UBE3C: variants seen among roughly 807,000 people sequenced by gnomAD.
The protein encoded by UBE3C is ubiquitin-protein ligase E3C.
In UBE3C, 42 loss-of-function variants were observed where a neutral mutation model predicts 129.4. The ratio of observed to expected loss-of-function variants is 0.32; its 90% CI spans 0.25 to 0.42. The LOEUF (loss-of-function observed/expected upper bound fraction) is 0.42, where lower values mean the gene tolerates loss of function less well. UBE3C is among the 10% of genes least tolerant of loss of function. UBE3C has a pLI of 1.00. For missense variants in UBE3C, 1,049 were observed against 1,319.1 expected (o/e 0.80, Z 3.17); for synonymous variants, 510 against 492.4 (o/e 1.04, Z -0.47).
intron 1 of UBE3C, among the ~76,000 whole-genome samples, chr7:157,151,611 TATCTATTA>T (rs1025482763): frequency 2.0e-5 from 3 of 152,214 alleles, no homozygotes; most frequent in Non-Finnish European, 4.4e-5. Flanking sequence ...CCGGAAATAC[TATCTATTA>T]AGCCGTTTAA....
chr7:157,237,838 G>A (rs1021874477), intron 18 of UBE3C, among the ~76,000 whole-genome samples: 16 of 151,924 alleles, frequency 1.1e-4, no homozygotes, highest in African/African-American at 3.6e-4. Context: ...TTAAGCCCAG[G>A]AGTTCAAGAC....
rs1316517943 is a variant in UBE3C, at chr7:157,182,309, T to C, written c.972T>C (p.Thr324=). Residue 324 remains threonine (T), a synonymous_variant, in exon 8 of 23, where the codon ACT becomes ACC. Coordinates refer to ENST00000348165, the MANE Select transcript of UBE3C (RefSeq NM_014671.3). ...CCTGGCTTTTCTATTTCGTTTTAAC[T>C]GTTGGCGAAAATTATTTGGGTATGA... ...GAPWLFYFVL[T]VGENYLGALS... 1 of 1,613,400 alleles carries C rather than the reference T, an allele frequency of 6.2e-7. No individual in the cohort carries two copies. Among genetic ancestry groups the C allele is most frequent in the East Asian group, 2.2e-5 (1 of 44,888 alleles).
At chr7:157,223,151 G>A (rs2116618166) in intron 15 of UBE3C, 103 bp from the exon 16 acceptor site, 2 of 1,204,904 alleles carry the variant, frequency 1.7e-6, no homozygotes, top group Middle Eastern at 1.9e-4. Context: ...TTAGATAAAT[G>A]AGTTAATCAG....
Position 157,149,368 on chromosome 7 carries a change from G to T in UBE3C, c.66+10030G>T, listed in dbSNP as rs1447055004. ...ACTATGCCTGGCCAGGAATTCAACCGATTTTTAAAAATAGAAACCAAGCGG... is the reference window on the plus strand; with the variant it reads ...ACTATGCCTGGCCAGGAATTCAACCTATTTTTAAAAATAGAAACCAAGCGG... On this transcript the variant is annotated intron_variant, in intron 1 of 22. Coordinates refer to ENST00000348165, the MANE Select transcript of UBE3C (RefSeq NM_014671.3). 2.0e-5 allele frequency among the ~76,000 whole-genome samples: 3 copies of T among 151,988 alleles called. No homozygotes were observed. In the East Asian group the frequency reaches 5.8e-4, roughly 29 times the overall value.
intron 10 of UBE3C, chr7:157,198,324 G>T: frequency 8.7e-6 from 7 of 808,136 alleles, no homozygotes; most frequent in Non-Finnish European, 1.6e-5. Flanking sequence ...GAAGATTTGC[G>T]CTTCACTTCA....
chr7:157,192,449 G>A, intron 10 of UBE3C: 1 of 743,182 alleles, frequency 1.3e-6, no homozygotes, highest in South Asian at 1.4e-5. Context: ...AAATGTAAAG[G>A]CCAAGATCCA....
At chr7:157,253,917 T>G (rs774622826) in intron 19 of UBE3C, 37 bp from the exon 20 acceptor site, 33 of 1,533,726 alleles carry the variant, frequency 2.2e-5, no homozygotes, top group Non-Finnish European at 2.7e-5. Flanking sequence ...TTATCATACT[T>G]TGAGGATTTT....
intron 1 of UBE3C, among the ~76,000 whole-genome samples, chr7:157,161,192 C>T (rs999951697): frequency 2.0e-5 from 3 of 152,042 alleles, no homozygotes; most frequent in Non-Finnish European, 4.4e-5. Flanking sequence ...GTGTTAATTT[C>T]CTGTGGATAA....
chr7:157,211,043 C>T (rs138035029), intron 13 of UBE3C, among the ~76,000 whole-genome samples: 18 of 152,230 alleles, frequency 1.2e-4, no homozygotes, highest in African/African-American at 4.1e-4. Flanking sequence ...ATAGGAAATC[C>T]TGTTTTGAGA....
At chr7:157,204,917 G>C (rs745691713) in intron 11 of UBE3C, among the ~76,000 whole-genome samples, 6 of 152,320 alleles carry the variant, frequency 3.9e-5, no homozygotes, top group Non-Finnish European at 5.9e-5. Context: ...CATTGGACGA[G>C]GAGGAGGAGT....
At chr7:157,256,722 T>C (rs1796762102) in intron 21 of UBE3C, 192 bp from the exon 22 acceptor site, 2 of 595,156 alleles carry the variant, frequency 3.4e-6, no homozygotes, top group South Asian at 2.4e-5. Context: ...GAGATGGGAT[T>C]GTACCAGTGC....
intron 10 of UBE3C, among the ~76,000 whole-genome samples, chr7:157,193,318 T>C (rs1236979546): frequency 6.6e-6 from 1 of 152,212 alleles, no homozygotes; most frequent in Non-Finnish European, 1.5e-5. Context: ...TTTGTACTTG[T>C]GTGCTATAAG....
chr7:157,248,651 A>G (rs117243611), intron 19 of UBE3C, 71 bp downstream of exon 19: 16,324 of 1,523,832 alleles, frequency 0.011, 101 homozygotes, highest in Middle Eastern at 0.033. Context: ...GTGGAAGTCC[A>G]TTTGTGTTAC....
intron 1 of UBE3C, among the ~76,000 whole-genome samples, chr7:157,154,143 A>G (rs1283429656): frequency 2.0e-5 from 3 of 152,090 alleles, no homozygotes; most frequent in Admixed American, 6.5e-5. Flanking sequence ...CAAGATGGTG[A>G]AATCCCGTCT....
At chr7:157,229,774 C>G (rs1795973239) in intron 17 of UBE3C, among the ~76,000 whole-genome samples, 1 of 151,938 alleles carries the variant, frequency 6.6e-6, no homozygotes, top group Admixed American at 6.6e-5. Context: ...ACCACCATGC[C>G]CAGCTTTTCT....
chr7:157,220,103 C>T (rs1021572291), intron 14 of UBE3C, among the ~76,000 whole-genome samples: 27 of 152,162 alleles, frequency 1.8e-4, no homozygotes, highest in African/African-American at 6.3e-4. Context: ...CCCAGCTACT[C>T]AGGAGGCTGA....
chr7:157,171,088 T>C lies in UBE3C; in HGVS notation c.342+638T>C, dbSNP rs140497385. Among the ~76,000 whole-genome samples the C allele has an allele frequency of 4.0e-4, 60 of 151,110 alleles. 1 individual carries two copies. In the South Asian group the frequency reaches 5.6e-3, roughly 14 times the overall value. ...CTGGCCTCTCAAAGTGCTGGAATTA[T>C]AGGCGTGAGCCACTGTACATGATTT... On this transcript the variant is annotated intron_variant, in intron 4 of 22. Coordinates refer to ENST00000348165, the MANE Select transcript of UBE3C (RefSeq NM_014671.3).
chr7:157,169,510 G>C (rs917253105), intron 3 of UBE3C, among the ~76,000 whole-genome samples: 2 of 151,968 alleles, frequency 1.3e-5, no homozygotes, highest in Non-Finnish European at 2.9e-5. Context: ...CGAGTAGCTG[G>C]GATTACAGGC....
At chr7:157,229,395 A>G (rs1374751122) in intron 17 of UBE3C, among the ~76,000 whole-genome samples, 1 of 148,514 alleles carries the variant, frequency 6.7e-6, no homozygotes, top group African/African-American at 2.5e-5. Context: ...ACTCACTGCA[A>G]CCTCCACCTC....
Sources: gnomAD v4.1 joint callset for allele counts (sites outside exome capture counted in the v4.1 genomes callset) on GRCh38, gnomAD v4.1.1 for gene constraint, MANE v1.5 for transcripts, NCBI Gene and HGNC (gene_info 2026-07-23, HGNC 2026-07-21) for gene names.